The following ACTN3 variants were observed in gnomAD, a reference collection of about 807,000 sequenced individuals.
ACTN3 encodes alpha-actinin-3.
A neutral mutation model predicts 119.6 loss-of-function variants in ACTN3; 91 were observed. The observed-to-expected ratio is 0.76, with a 90% CI of 0.64 to 0.91. ACTN3 has a LOEUF of 0.91. Among genes scored for constraint, ACTN3 ranks in the 40% least tolerant of loss-of-function variants. The pLI, the probability that ACTN3 is intolerant of heterozygous loss-of-function variation, is 0.00. For synonymous variants in ACTN3, 456 were observed against 478.8 expected, an observed-to-expected ratio of 0.95 and a Z score of 0.62; for missense variants, 1,221 against 1,215.1, an observed-to-expected ratio of 1.00 and a Z score of -0.07.
intron 17 of ACTN3, 122 bp from the exon 18 acceptor site, chr11:66,561,900 G>T: frequency 8.1e-7 from 1 of 1,232,000 alleles, no homozygotes; most frequent in Non-Finnish European, 1.1e-6. Context: ...CCTCCAGATG[G>T]GGATGGAGGC....
At position 66,563,316 on chromosome 11, in the gene ACTN3, C is replaced by T. The variant is rs1857844418; in HGVS notation, c.*123C>T. Reference sequence around the variant, plus strand: ...GCCAAGTGCTTCTGAATAAAGATCCCTCTCTGGGTCTCTCCCCATCTCCTT... The same window carrying T: ...GCCAAGTGCTTCTGAATAAAGATCCTTCTCTGGGTCTCTCCCCATCTCCTT... On this transcript the variant is annotated 3_prime_UTR_variant, in exon 21 of 21. Transcript: ENST00000513398. 2.5e-6 allele frequency: 3 copies of T among 1,203,690 alleles called. No individual in the cohort carries two copies. Among genetic ancestry groups the T allele is most frequent in the East Asian group, 5.2e-5 (2 of 38,534 alleles). The allele number at this position is 1,203,690 out of a possible 1,614,324, so 74.6% of individuals were successfully genotyped here. A position where few individuals can be genotyped will look rare whatever the true frequency, so the allele number is the denominator to read the frequency against.
rs1857629407 is a variant in ACTN3 at position 66,557,866 on chromosome 11, G to A, written c.1065G>A (p.Leu355=). 1 of 1,614,040 alleles carries A rather than the reference G, an allele frequency of 6.2e-7. No individual in the cohort carries two copies. Reference sequence around the variant, plus strand: ...AGCTGGAGATCAACTTCAACACACTGCAGACCAAGTTGCGGCTCAGCCACC... The same window carrying A: ...AGCTGGAGATCAACTTCAACACACTACAGACCAAGTTGCGGCTCAGCCACC... ...KCQLEINFNT[L]QTKLRLSHRP... The change falls in exon 10 of 21, where the codon CTG becomes CTA. Residue 355 remains leucine (L), a synonymous_variant. Coordinates refer to ENST00000513398, the MANE Select transcript of ACTN3 (RefSeq NM_001104.4).
intron 8 of ACTN3, among the ~76,000 whole-genome samples, chr11:66,556,760 G>GTTT (rs1555056180): frequency 2.6e-5 from 4 of 151,388 alleles, no homozygotes; most frequent in Non-Finnish European, 5.9e-5. Flanking sequence ...TTGTTTGTTT[G>GTTT]TGTTTTGTTT....
At position 66,561,547 on chromosome 11, in the gene ACTN3, C is replaced by T. The variant is rs1276145073; in HGVS notation, c.2085C>T (p.Tyr695=). 9.3e-6 allele frequency: 15 copies of T among 1,611,974 alleles called. No individual in the cohort carries two copies. The highest frequency in any genetic ancestry group is 6.7e-5 in the Admixed American group (4 of 59,722). ...AGCAGGAGCAGAACATTATCAACTA[C>T]AAGACTAACATTGACCGGCTGGAGG... is the stretch of plus-strand genomic sequence containing the variant. ...LRQQEQNIIN[Y]KTNIDRLEGD... is the part of the protein sequence containing the mutation. The change falls in exon 17 of 21, where the codon TAC becomes TAT. Residue 695 remains tyrosine (Y), a synonymous_variant. Coordinates refer to ENST00000513398, the MANE Select transcript of ACTN3 (RefSeq NM_001104.4).
Position 66,560,774 on chromosome 11 carries a change from C to T in ACTN3, c.1860+19C>T. 1.9e-6 allele frequency: 3 copies of T among 1,592,380 alleles called. No individual in the cohort carries two copies. The South Asian group carries it at 3.4e-5, about 18-fold the overall frequency. ...GGATATGGTCAGTGCCACCTGCAGC[C>T]TTCCTCCCACCCCCTCCTGCATACT... On this transcript the variant is annotated intron_variant, in intron 15 of 20. Transcript: ENST00000513398.
chr11:66,553,755 A>G (rs1408097764), intron 3 of ACTN3, among the ~76,000 whole-genome samples: 2 of 149,606 alleles, frequency 1.3e-5, no homozygotes, highest in African/African-American at 4.9e-5. Flanking sequence ...CTGTAGTCCC[A>G]GCTACTCAGG....
In ACTN3 at chr11:66,560,244, A is replaced by G. The variant is rs763243313; in HGVS notation, c.1610A>G (p.Asn537Ser). ...EFARRAAPFN[N>S]WLDGAVEDLQ... is the part of the protein sequence containing the mutation. ...GCCCGGCGGGCCGCGCCCTTCAACA[A>G]CTGGCTGGATGGTGCCGTGGAGGAC... The change falls in exon 14 of 21, where the codon AAC becomes AGC. Residue 537 changes from asparagine (N) to serine (S), a missense_variant. Around this residue, in one of 3 missense-constraint regions of ACTN3, gnomAD observed 934 missense variants for 899.9 expected, o/e 1.04. Coordinates refer to ENST00000513398, the MANE Select transcript of ACTN3 (RefSeq NM_001104.4). The G allele has an allele frequency of 3.1e-6, 5 of 1,613,132 alleles. No homozygotes were observed. The highest frequency in any genetic ancestry group is 4.2e-6 in the Non-Finnish European group (5 of 1,179,632).
At chr11:66,555,107 A>AC (rs1322289480) in intron 5 of ACTN3, 23 bp from the exon 6 acceptor site, 1 of 1,610,488 alleles carries the variant, frequency 6.2e-7, no homozygotes. Flanking sequence ...CCCAGGCCTG[A>AC]CCCCCCTCTT....
chr11:66,561,261 T>A lies in ACTN3; in HGVS notation c.1895T>A (p.Leu632Gln). ...CTGGTGCCCAGCTGTGACCAGACAC[T>A]GCAGGAGGAGCTGGCACGGCAGCAG... ...RKLVPSCDQT[L>Q]QEELARQQVN... Residue 632 changes from leucine to glutamine, a missense_variant, in exon 16 of 21, where the codon CTG (leucine) becomes CAG (glutamine). Transcript: ENST00000513398. 6.3e-7 allele frequency: 1 copy of A among 1,599,506 alleles called. No homozygotes were observed.
intron 8 of ACTN3, 86 bp downstream of exon 8, chr11:66,556,316 A>G (rs1253971620): frequency 1.5e-6 from 2 of 1,360,614 alleles, no homozygotes; most frequent in Non-Finnish European, 2.0e-6. Context: ...GCGCCAGACC[A>G]CGGAGGTTGG....
In ACTN3 at chr11:66,561,300, T is replaced by C; in HGVS notation, c.1934T>C (p.Leu645Pro). 1 of 1,609,894 alleles carries C rather than the reference T, an allele frequency of 6.2e-7. No individual in the cohort carries two copies. Among genetic ancestry groups the C allele is most frequent in the Non-Finnish European group, 8.5e-7 (1 of 1,178,802 alleles). Reference sequence around the variant, plus strand: ...GCACGGCAGCAGGTAAACGAGAGGCTCCGGCGACAGTTTGCGGCCCAGGCC... The same window carrying C: ...GCACGGCAGCAGGTAAACGAGAGGCCCCGGCGACAGTTTGCGGCCCAGGCC... ...ELARQQVNER[L>P]RRQFAAQANA... Residue 645 changes from leucine (L) to proline (P), a missense_variant, in exon 16 of 21, where the codon CTC becomes CCC. This residue lies in a region of ACTN3 where 934 missense variants were observed against 899.9 expected (regional missense o/e 1.04). Transcript: ENST00000513398.
chr11:66,557,611 C>T, intron 9 of ACTN3, 88 bp from the exon 10 acceptor site: 1 of 1,414,374 alleles, frequency 7.1e-7, no homozygotes, highest in Non-Finnish European at 9.6e-7. Context: ...TACACTCTGG[C>T]CACAGCCTGG....
At chr11:66,553,125 G>A (rs889809851) in intron 3 of ACTN3, among the ~76,000 whole-genome samples, 3 of 151,384 alleles carry the variant, frequency 2.0e-5, no homozygotes, top group Non-Finnish European at 4.4e-5. Flanking sequence ...ATGGTGGCAT[G>A]CACCTGTAGT....
At chr11:66,561,197 C>T (rs761630169) in intron 15 of ACTN3, 30 bp from the exon 16 acceptor site, 3 of 1,505,590 alleles carry the variant, frequency 2.0e-6, no homozygotes, top group Admixed American at 2.2e-5. Flanking sequence ...GCCCCCAGAG[C>T]TGGCTCTGGC....
At chr11:66,559,463 T>C (rs1482114353) in intron 12 of ACTN3, 77 bp downstream of exon 12, 5 of 1,308,098 alleles carry the variant, frequency 3.8e-6, no homozygotes, top group African/African-American at 1.7e-5. Flanking sequence ...CTGATCCCCA[T>C]TGCCCTTCTC....
chr11:66,559,155 A>C, intron 11 of ACTN3, 81 bp from the exon 12 acceptor site: 1 of 1,374,102 alleles, frequency 7.3e-7, no homozygotes, highest in Non-Finnish European at 9.5e-7. Context: ...TTAGCAGATG[A>C]GGCTTCATGG....
chr11:66,560,785 C>G, intron 15 of ACTN3, 30 bp downstream of exon 15: 1 of 1,586,118 alleles, frequency 6.3e-7, no homozygotes, highest in Non-Finnish European at 8.6e-7. Flanking sequence ...TTCCTCCCAC[C>G]CCCTCCTGCA....
intron 2 of ACTN3, 79 bp from the exon 3 acceptor site, chr11:66,551,449 G>T: frequency 6.4e-7 from 1 of 1,569,880 alleles, no homozygotes; most frequent in Non-Finnish European, 8.6e-7. Flanking sequence ...GGGACTTGGT[G>T]GGGAGGGGAG....
At chr11:66,561,700 C>A (rs1288577696) in intron 17 of ACTN3, 63 bp downstream of exon 17, 12 of 1,526,030 alleles carry the variant, frequency 7.9e-6, no homozygotes, top group Non-Finnish European at 8.8e-6. Context: ...CCAGGGAGAT[C>A]ACAGCTGGAC....
Sources: allele counts gnomAD v4.1 joint callset (sites outside exome capture counted in the v4.1 genomes callset), GRCh38; gene constraint gnomAD v4.1.1; regional missense constraint gnomAD v4.1.1; transcripts MANE v1.5; gene names NCBI Gene and HGNC (gene_info 2026-07-23, HGNC 2026-07-21).